The following OSBPL3 variants were observed in gnomAD, a reference collection of about 807,000 sequenced individuals.
OSBPL3 encodes oxysterol binding protein like 3, also known as oxysterol-binding protein-related protein 3.
OSBPL3 carries 65 observed loss-of-function variants against 120.1 expected under a neutral mutation model. The observed-to-expected ratio is 0.54, with a 90% CI of 0.44 to 0.67. The LOEUF (loss-of-function observed/expected upper bound fraction) is 0.67. Among genes scored for constraint, OSBPL3 ranks in the 30% least tolerant of loss-of-function variants. The pLI is 0.00. For missense variants in OSBPL3, 1,004 were observed against 1,082.1 expected, an observed-to-expected ratio of 0.93 and a Z score of 1.01; for synonymous variants, 416 against 402.6, an observed-to-expected ratio of 1.03 and a Z score of -0.40.
intron 19 of OSBPL3, among the ~76,000 whole-genome samples, chr7:24,810,714 T>C (rs1793691905): frequency 6.6e-6 from 1 of 152,188 alleles, no homozygotes; most frequent in Non-Finnish European, 1.5e-5. Flanking sequence ...CAAACCCATA[T>C]CAACCATTGT....
chr7:24,867,645 T>C lies in OSBPL3; in HGVS notation c.382-1408A>G, dbSNP rs1461735581. 2.0e-5 allele frequency among the ~76,000 whole-genome samples: 3 copies of C among 152,206 alleles called. No homozygotes were observed. Among genetic ancestry groups the C allele is most frequent in the Non-Finnish European group, 4.4e-5 (3 of 68,032 alleles). On this transcript the variant is annotated intron_variant, in intron 5 of 22. Transcript: ENST00000313367. This position sits in a 1 kb window ranked among gnomAD's most constrained non-coding sequence, Gnocchi z 4.5. ...TGCCTTCTGCCATGACTGTGAGACCTCCCCAGCCATGTGGAACTGTAAGTC... is the reference window on the plus strand; with the variant it reads ...TGCCTTCTGCCATGACTGTGAGACCCCCCCAGCCATGTGGAACTGTAAGTC...
rs759198899 is a variant in OSBPL3 at position 24,894,973 on chromosome 7, C to G, written c.-149-2352G>C. On this transcript the variant is annotated intron_variant, in intron 1 of 22. Coordinates refer to ENST00000313367, the MANE Select transcript of OSBPL3 (RefSeq NM_015550.4). This position sits in a 1 kb window ranked among gnomAD's most constrained non-coding sequence, Gnocchi z 4.1. ...CTGCCAGCATGACCCCCTGGTGACC[C>G]CTACCCCTGTCTCCTTTCCCCTTCT... Among the ~76,000 whole-genome samples the G allele has an allele frequency of 5.3e-5, 8 of 152,160 alleles. No homozygotes were observed. Among genetic ancestry groups the G allele is most frequent in the Non-Finnish European group, 7.3e-5 (5 of 68,032 alleles).
chr7:24,831,967 C>G lies in OSBPL3; in HGVS notation c.1747-1062G>C, dbSNP rs1277412235. The stretch of plus-strand genomic sequence containing the variant: ...CTGTAATCCCAGCACTTTGGGAGAC[C>G]GAGGCAGGTGGATCTGCTTGAGCCC... On this transcript the variant is annotated intron_variant, in intron 15 of 22. Transcript: ENST00000313367. This position sits in a 1 kb window ranked among gnomAD's most constrained non-coding sequence, Gnocchi z 4.0. Among the ~76,000 whole-genome samples the G allele has an allele frequency of 6.6e-6, 1 of 151,398 alleles. No homozygotes were observed. The highest frequency in any genetic ancestry group is 1.5e-5 in the Non-Finnish European group (1 of 67,840).
In OSBPL3 at chr7:24,900,839, G is replaced by A. The variant is rs995992141; in HGVS notation, c.-149-8218C>T. 1.3e-5 allele frequency among the ~76,000 whole-genome samples: 2 copies of A among 152,156 alleles called. No individual in the cohort carries two copies. Among genetic ancestry groups the A allele is most frequent in the Admixed American group, 6.5e-5 (1 of 15,280 alleles). On this transcript the variant is annotated intron_variant, in intron 1 of 22. Transcript: ENST00000313367. The surrounding 1 kb of genome is among the most constrained non-coding windows in gnomAD (Gnocchi z 4.5). ...TTAGGTTGGTGTGAAAGTAAGTGCG[G>A]ATTTTGCCATTGGCACGAACCTAAT... is the stretch of plus-strand genomic sequence containing the variant.
rs1192204067 is a variant in OSBPL3 at position 24,815,399 on chromosome 7, C to A, written c.2028-196G>T. The stretch of plus-strand genomic sequence containing the variant: ...ACTCTCCAAGGAGGCATGCATGCCA[C>A]AGAGAATGACAGCATTCAGACTTTG... On this transcript the variant is annotated intron_variant, in intron 18 of 22. Transcript: ENST00000313367. This position sits in a 1 kb window ranked among gnomAD's most constrained non-coding sequence, Gnocchi z 5.1. 6.6e-6 allele frequency among the ~76,000 whole-genome samples: 1 copy of A among 152,200 alleles called. No individual in the cohort carries two copies. The highest frequency in any genetic ancestry group is 1.5e-5 in the Non-Finnish European group (1 of 68,044).
Position 24,856,361 on chromosome 7 carries a change from T to C in OSBPL3, c.1028-3727A>G, listed in dbSNP as rs1799841195. ...GTTAGTACAGTGAGACTATAATAGA[T>C]GGAATGTTTGGATAGTGAGAGTCAA... On this transcript the variant is annotated intron_variant, in intron 10 of 22. Transcript: ENST00000313367. 2.6e-5 allele frequency among the ~76,000 whole-genome samples: 4 copies of C among 152,156 alleles called. No homozygotes were observed. The South Asian group carries it at 8.3e-4, about 32-fold the overall frequency.
chr7:24,956,557 C>T (rs1360290585), intron 1 of OSBPL3, among the ~76,000 whole-genome samples: 1 of 152,168 alleles, frequency 6.6e-6, no homozygotes, highest in East Asian at 1.9e-4. Context: ...GGCCATCTTC[C>T]TTTGTCTTAC....
chr7:24,913,894 T>A lies in OSBPL3; in HGVS notation c.-149-21273A>T, dbSNP rs1169095939. Among the ~76,000 whole-genome samples, 2 of 152,164 alleles carry A rather than the reference T, an allele frequency of 1.3e-5. No homozygotes were observed. The highest frequency in any genetic ancestry group is 2.9e-5 in the Non-Finnish European group (2 of 68,022). On this transcript the variant is annotated intron_variant, in intron 1 of 22. Transcript: ENST00000313367. The surrounding 1 kb of genome is among the most constrained non-coding windows in gnomAD (Gnocchi z 5.3). ...AATGGAAAACAGAGCTAAAGTAAAG[T>A]AAAAGTTCTACATATATGCATTGAA...
chr7:24,953,305 C>A lies in OSBPL3; in HGVS notation c.-150+26581G>T, dbSNP rs1814660694. 6.6e-6 allele frequency among the ~76,000 whole-genome samples: 1 copy of A among 152,196 alleles called. No homozygotes were observed. Among genetic ancestry groups the A allele is most frequent in the Non-Finnish European group, 1.5e-5 (1 of 68,010 alleles). ...TGTCAGCTCTGCCAAGGAGTAAGCC[C>A]CATCTTTCCTAACCAAGCAACTCTT... On this transcript the variant is annotated intron_variant, in intron 1 of 22. Transcript: ENST00000313367. This position sits in a 1 kb window ranked among gnomAD's most constrained non-coding sequence, Gnocchi z 4.3.
intron 1 of OSBPL3, among the ~76,000 whole-genome samples, chr7:24,963,493 C>T (rs1816020459): frequency 6.6e-6 from 1 of 152,196 alleles, no homozygotes; most frequent in Non-Finnish European, 1.5e-5. Context: ...AACCCACTTT[C>T]CCTTTTTTGC....
In OSBPL3 at chr7:24,872,306, G is replaced by A. The variant is rs1353689868; in HGVS notation, c.97-237C>T. 6.6e-6 allele frequency among the ~76,000 whole-genome samples: 1 copy of A among 151,792 alleles called. No individual in the cohort carries two copies. The highest frequency in any genetic ancestry group is 1.5e-5 in the Non-Finnish European group (1 of 67,948). ...AGCTCTTTTTTTTTTAGAAGGGAAT[G>A]TTTCTTTCGGTGTTTGAACCTTAAT... On this transcript the variant is annotated intron_variant, in intron 2 of 22. Transcript: ENST00000313367. The surrounding 1 kb of genome is among the most constrained non-coding windows in gnomAD (Gnocchi z 4.1).
At position 24,894,402 on chromosome 7, in the gene OSBPL3, C is replaced by T. The variant is rs1229217243; in HGVS notation, c.-149-1781G>A. On this transcript the variant is annotated intron_variant, in intron 1 of 22. Transcript: ENST00000313367. The surrounding 1 kb of genome is among the most constrained non-coding windows in gnomAD (Gnocchi z 4.1). Reference sequence around the variant, plus strand: ...CTGATGGGGGCATGACTAGGTGTACCTGAAGTTAGAAGCAAATGCAATCTA... The same window carrying T: ...CTGATGGGGGCATGACTAGGTGTACTTGAAGTTAGAAGCAAATGCAATCTA... Among the ~76,000 whole-genome samples the T allele has an allele frequency of 6.6e-6, 1 of 151,990 alleles. No homozygotes were observed. Among genetic ancestry groups the T allele is most frequent in the Non-Finnish European group, 1.5e-5 (1 of 68,006 alleles).
At chr7:24,857,388 C>A (rs1799966685) in intron 10 of OSBPL3, among the ~76,000 whole-genome samples, 2 of 152,198 alleles carry the variant, frequency 1.3e-5, no homozygotes, top group Admixed American at 1.3e-4. Flanking sequence ...AATCTCCTCA[C>A]CAAGTTTGGT....
chr7:24,925,672 C>T (rs544081119), intron 1 of OSBPL3, among the ~76,000 whole-genome samples: 21 of 152,340 alleles, frequency 1.4e-4, no homozygotes, highest in African/African-American at 4.6e-4. Context: ...TTGATTGGAA[C>T]GTTTCATCGC....
At position 24,930,311 on chromosome 7, in the gene OSBPL3, C is replaced by T. The variant is rs1811626097; in HGVS notation, c.-149-37690G>A. On this transcript the variant is annotated intron_variant, in intron 1 of 22. Coordinates refer to ENST00000313367, the MANE Select transcript of OSBPL3 (RefSeq NM_015550.4). The surrounding 1 kb of genome is among the most constrained non-coding windows in gnomAD (Gnocchi z 4.4). ...AAAACATCTGGTGTTTGTAGGAATA[C>T]ATGGGAAAAACTCAACACTTTTTGT... Among the ~76,000 whole-genome samples, 1 of 152,092 alleles carries T rather than the reference C, an allele frequency of 6.6e-6. No homozygotes were observed. The highest frequency in any genetic ancestry group is 2.4e-5 in the African/African-American group (1 of 41,402).
Position 24,818,618 on chromosome 7 carries a change from T to C in OSBPL3, c.1948+1557A>G, listed in dbSNP as rs561710043. Among the ~76,000 whole-genome samples, 7 of 152,072 alleles carry C rather than the reference T, an allele frequency of 4.6e-5. No homozygotes were observed. The highest frequency in any genetic ancestry group is 6.5e-5 in the Admixed American group (1 of 15,276). ...TAACAGGGGAGATGAAAGAGAATGA[T>C]AGAAATTATTCAATCCAAAAGGCAG... is the stretch of plus-strand genomic sequence containing the variant. On this transcript the variant is annotated intron_variant, in intron 17 of 22. Coordinates refer to ENST00000313367, the MANE Select transcript of OSBPL3 (RefSeq NM_015550.4). This position sits in a 1 kb window ranked among gnomAD's most constrained non-coding sequence, Gnocchi z 4.0.
intron 2 of OSBPL3, among the ~76,000 whole-genome samples, chr7:24,875,225 T>C (rs1210806986): frequency 3.9e-5 from 6 of 152,254 alleles, no homozygotes; most frequent in Non-Finnish European, 5.9e-5. Context: ...GGGATGTAAG[T>C]GCAGAGTAAC....
At chr7:24,839,989 CACAAAAAAAAAAAAAAAA>C (rs1797513896) in intron 14 of OSBPL3, among the ~76,000 whole-genome samples, 1 of 65,312 alleles carries the variant, frequency 1.5e-5, no homozygotes, top group African/African-American at 5.4e-5. Context: ...GACTCCATCT[CACAAAAAAAAAAAAAAAA>C]AAAAAAAAAA....
chr7:24,902,696 A>AAAGT (rs1562906415), intron 1 of OSBPL3, among the ~76,000 whole-genome samples: 15 of 130,746 alleles, frequency 1.1e-4, no homozygotes, highest in African/African-American at 4.8e-4. Flanking sequence ...TTTACAAGAG[A>AAAGT]AAATAAATAA....
Sources: allele counts gnomAD v4.1 joint callset (sites outside exome capture counted in the v4.1 genomes callset), GRCh38; gene constraint gnomAD v4.1.1; non-coding constraint Gnocchi (gnomAD v3.1); transcripts MANE v1.5; gene names NCBI Gene and HGNC (gene_info 2026-07-23, HGNC 2026-07-21).